Variants in ZNF487 observed in about 807,000 individuals in gnomAD.
The protein encoded by ZNF487 is KRAB domain only 1.
A neutral mutation model predicts 3.0 loss-of-function variants in ZNF487; 4 were observed. That is an observed-to-expected ratio of 1.35 (90% CI 0.66 to 3.08). The LOEUF is 3.08. ZNF487 is among the 30% of genes most tolerant of loss of function. The probability of loss-of-function intolerance (pLI) is 0.01; values close to 1 mark genes in which losing one functional copy is unlikely to be tolerated. For missense variants in ZNF487, 146 were observed against 98.7 expected (o/e 1.48, Z -2.03); for synonymous variants, 55 against 34.6 (o/e 1.59, Z -2.06).
chr10:43,484,604 CA>C (rs139830405), downstream of ZNF487, among the ~76,000 whole-genome samples: 1,992 of 143,794 alleles, frequency 0.014, 21 homozygotes, highest in Non-Finnish European at 0.021. Flanking sequence ...AAGACTGTTT[CA>C]AAAAAAAAAA....
intron 1 of ZNF487, among the ~76,000 whole-genome samples, chr10:43,442,775 C>T (rs1438617097): frequency 1.3e-5 from 2 of 152,124 alleles, no homozygotes; most frequent in African/African-American, 4.8e-5. Flanking sequence ...TTGTAGTATT[C>T]AGGGTACAAG....
intron 1 of ZNF487, among the ~76,000 whole-genome samples, chr10:43,450,816 GAAA>G (rs377261035): frequency 6.6e-6 from 1 of 151,624 alleles, no homozygotes; most frequent in East Asian, 1.9e-4. Flanking sequence ...TGACTTAGAA[GAAA>G]AAAAAGCCTT....
At chr10:43,521,832 A>G in the ZNF487 span, among the ~76,000 whole-genome samples, 1 of 151,872 alleles carries the variant, frequency 6.6e-6, no homozygotes, top group Non-Finnish European at 1.5e-5. Flanking sequence ...AAAAAATTAT[A>G]TATGTATATT....
the ZNF487 span, among the ~76,000 whole-genome samples, chr10:43,500,051 T>C: frequency 1.3e-5 from 2 of 151,798 alleles, no homozygotes; most frequent in Non-Finnish European, 2.9e-5. Context: ...ACCTGGCTAA[T>C]TTTTGTATTT....
At chr10:43,476,503 A>T (rs1325665636) in intron 3 of ZNF487, among the ~76,000 whole-genome samples, 1 of 152,032 alleles carries the variant, frequency 6.6e-6, no homozygotes, top group African/African-American at 2.4e-5. Context: ...TCTTCTTTTC[A>T]TCATATATTA....
At chr10:43,484,660 AT>A (rs1334270861), downstream of ZNF487, among the ~76,000 whole-genome samples, 1 of 152,190 alleles carries the variant, frequency 6.6e-6, no homozygotes, top group African/African-American at 2.4e-5. Context: ...AACAAGTCTT[AT>A]CAAAAGATTG....
intron 1 of ZNF487, among the ~76,000 whole-genome samples, chr10:43,438,388 G>A (rs975150171): frequency 6.6e-6 from 1 of 152,096 alleles, no homozygotes; most frequent in African/African-American, 2.4e-5. Flanking sequence ...GTTTTGCCTT[G>A]TTGGCCAGGC....
chr10:43,458,032 C>T (rs1055285409), intron 1 of ZNF487: 2 of 136,644 alleles, frequency 1.5e-5, no homozygotes, highest in African/African-American at 5.6e-5. Context: ...AATAAAAAAA[C>T]AACAACAACA....
At chr10:43,446,190 G>T (rs1362061897) in intron 1 of ZNF487, among the ~76,000 whole-genome samples, 1 of 152,170 alleles carries the variant, frequency 6.6e-6, no homozygotes, top group Non-Finnish European at 1.5e-5. Context: ...ATGAGCTGTT[G>T]GGTACACCTC....
rs1841285675 is a variant in ZNF487 at position 43,480,039 on chromosome 10, CTTTCTTTT to C, written c.131-1388_131-1381del. Among the ~76,000 whole-genome samples, 22 of 77,540 alleles carry C rather than the reference CTTTCTTTT, an allele frequency of 2.8e-4. No individual in the cohort carries two copies. In the Admixed American group the frequency reaches 3.2e-3, roughly 11 times the overall value. The allele number at this position is 77,540 out of a possible 152,430, so 50.9% of individuals were successfully genotyped here. On this transcript the variant is annotated intron_variant, in intron 3 of 3. Transcript: ENST00000437590. ...TCTTTCTTTCTTTCTTTCTTTCTTT[CTTTCTTTT>C]TCTTTCTTTCTTCCTTGCTTCCTTC...
the ZNF487 span, among the ~76,000 whole-genome samples, chr10:43,506,830 G>A: frequency 1.3e-5 from 2 of 152,324 alleles, no homozygotes; most frequent in Admixed American, 1.3e-4. Flanking sequence ...CGACCCAAGG[G>A]TAGGAATTCC....
chr10:43,496,868 A>G, the ZNF487 span, among the ~76,000 whole-genome samples: 1 of 152,128 alleles, frequency 6.6e-6, no homozygotes, highest in African/African-American at 2.4e-5. Flanking sequence ...TCAGTGGGGT[A>G]CATGTGAAGG....
chr10:43,485,011 A>T (rs139094009), downstream of ZNF487, among the ~76,000 whole-genome samples: 1 of 152,206 alleles, frequency 6.6e-6, no homozygotes, highest in Non-Finnish European at 1.5e-5. Context: ...ATGTCTCCAC[A>T]TTGTTCAAAT....
chr10:43,506,216 A>T, the ZNF487 span, among the ~76,000 whole-genome samples: 1 of 152,154 alleles, frequency 6.6e-6, no homozygotes, highest in Non-Finnish European at 1.5e-5. Context: ...CTTCCTTATC[A>T]AAAGGACCAG....
intron 1 of ZNF487, among the ~76,000 whole-genome samples, chr10:43,465,679 G>C (rs1323634130): frequency 6.6e-6 from 1 of 151,406 alleles, no homozygotes; most frequent in Non-Finnish European, 1.5e-5. Context: ...TGGCGGGCGG[G>C]CAGAGACGCT....
chr10:43,477,418 C>G (rs543476447), intron 3 of ZNF487, among the ~76,000 whole-genome samples: 18 of 152,088 alleles, frequency 1.2e-4, no homozygotes, highest in Admixed American at 1.0e-3. Context: ...TGGTCTCAAA[C>G]TCCTGGCCTC....
At position 43,482,621 on chromosome 10, in the gene ZNF487, T is replaced by G. The variant is rs1183623000; in HGVS notation, c.*699T>G. 2 of 497,368 alleles carry G rather than the reference T, an allele frequency of 4.0e-6. No individual in the cohort carries two copies. Among genetic ancestry groups the G allele is most frequent in the African/African-American group, 4.0e-5 (2 of 50,464 alleles). 30.8% of individuals were successfully genotyped at this position (497,368 alleles called of 1,614,324 possible). A position where few individuals can be genotyped will look rare whatever the true frequency, so the allele number is the denominator to read the frequency against. Reference sequence around the variant, plus strand: ...AGAAAGCCTTTGGTGATAGGTCAGCTCTAAAAGTACATCAGAGAATACATA... The same window carrying G: ...AGAAAGCCTTTGGTGATAGGTCAGCGCTAAAAGTACATCAGAGAATACATA... On this transcript the variant is annotated 3_prime_UTR_variant, in exon 4 of 4. Coordinates refer to ENST00000437590, the MANE Select transcript of ZNF487 (RefSeq NM_001355444.3).
chr10:43,461,016 T>A (rs1291537779), intron 1 of ZNF487, among the ~76,000 whole-genome samples: 1 of 151,700 alleles, frequency 6.6e-6, no homozygotes, highest in Non-Finnish European at 1.5e-5. Context: ...TTAATTTTTT[T>A]TTTTTTTGAG....
At chr10:43,446,440 GGTC>G (rs1839805864) in intron 1 of ZNF487, among the ~76,000 whole-genome samples, 1 of 149,438 alleles carries the variant, frequency 6.7e-6, no homozygotes, top group Admixed American at 6.7e-5. Flanking sequence ...TCCCAGACAG[GGTC>G]GCCGCCGGGC....
Sources: allele counts gnomAD v4.1 joint callset (sites outside exome capture counted in the v4.1 genomes callset), GRCh38; gene constraint gnomAD v4.1.1; transcripts MANE v1.5; gene names NCBI Gene and HGNC (gene_info 2026-07-23, HGNC 2026-07-21).